The following CACNB2 variants were observed in gnomAD, a reference collection of about 807,000 sequenced individuals.
CACNB2 encodes the protein voltage-dependent L-type calcium channel subunit beta-2.
CACNB2 carries 42 observed loss-of-function variants against 73.3 expected under a neutral mutation model. The ratio of observed to expected loss-of-function variants is 0.57; its 90% CI spans 0.45 to 0.74. CACNB2 has a LOEUF of 0.74. Ranked by LOEUF, CACNB2 falls within the 30% of genes least tolerant of loss-of-function variation. CACNB2 has a pLI of 0.00. For synonymous variants in CACNB2, 348 were observed against 310.3 expected, an observed-to-expected ratio of 1.12 and a Z score of -1.28; for missense variants, 940 against 853.0, an observed-to-expected ratio of 1.10 and a Z score of -1.27.
At chr10:18,218,222 C>G (rs1422901301) in intron 2 of CACNB2, among the ~76,000 whole-genome samples, 6 of 152,180 alleles carry the variant, frequency 3.9e-5, no homozygotes, top group African/African-American at 1.4e-4. Context: ...ATTGGTCTTA[C>G]TGAATTCTGA....
chr10:18,371,453 T>C (rs2042580849), intron 2 of CACNB2, among the ~76,000 whole-genome samples: 1 of 151,972 alleles, frequency 6.6e-6, no homozygotes, highest in Non-Finnish European at 1.5e-5. Context: ...TGAGAACATG[T>C]GGTGTTTGGT....
intron 4 of CACNB2, 63 bp from the exon 5 acceptor site, chr10:18,500,749 G>A (rs527510145): frequency 1.3e-6 from 2 of 1,515,894 alleles, no homozygotes; most frequent in South Asian, 2.2e-5. Context: ...TGAAAATAGT[G>A]TGGAAGAACA....
intron 2 of CACNB2, among the ~76,000 whole-genome samples, chr10:18,173,726 T>C (rs904526227): frequency 1.3e-5 from 2 of 152,244 alleles, no homozygotes; most frequent in African/African-American, 4.8e-5. Context: ...TAGTATGATA[T>C]GTTTTCTAAG....
chr10:18,333,725 T>C (rs1196015671), intron 2 of CACNB2, among the ~76,000 whole-genome samples: 2 of 152,320 alleles, frequency 1.3e-5, no homozygotes, highest in East Asian at 3.9e-4. Context: ...TCTTGTATAA[T>C]CAAAGATGAC....
chr10:18,220,438 A>G (rs111689094), intron 2 of CACNB2, among the ~76,000 whole-genome samples: 4,041 of 147,710 alleles, frequency 0.027, 209 homozygotes, highest in African/African-American at 0.096. Flanking sequence ...TTTTTTTAAT[A>G]TATATTTTTA....
At position 18,465,874 on chromosome 10, in the gene CACNB2, T is replaced by A. The variant is rs2047854692; in HGVS notation, c.334-32481T>A. Reference sequence around the variant, plus strand: ...TTTTGTATTTTTAGTAGAGACAGGGTTTCACCATGTTTCCCAGGCTGCTCT... The same window carrying A: ...TTTTGTATTTTTAGTAGAGACAGGGATTCACCATGTTTCCCAGGCTGCTCT... On this transcript the variant is annotated intron_variant, in intron 3 of 13. Transcript: ENST00000324631. 2.6e-5 allele frequency among the ~76,000 whole-genome samples: 4 copies of A among 152,136 alleles called. No individual in the cohort carries two copies. In the South Asian group the frequency reaches 8.3e-4, roughly 32 times the overall value.
chr10:18,526,925 C>T (rs745490329), intron 9 of CACNB2, among the ~76,000 whole-genome samples: 2 of 152,116 alleles, frequency 1.3e-5, no homozygotes, highest in Admixed American at 1.3e-4. Context: ...TACATACATA[C>T]CCTTGGATAA....
At position 18,413,806 on chromosome 10, in the gene CACNB2, T is replaced by C. The variant is rs780100384; in HGVS notation, c.333+11763T>C. On this transcript the variant is annotated intron_variant, in intron 3 of 13. Coordinates refer to ENST00000324631, the MANE Select transcript of CACNB2 (RefSeq NM_201596.3). ...CCTCTGTTTGACAGGATTCCAGTGA[T>C]AATTGAATAAGCTGTTACGTATAAA... Among the ~76,000 whole-genome samples, 55 of 152,350 alleles carry C rather than the reference T, an allele frequency of 3.6e-4. 1 individual carries two copies. Among genetic ancestry groups the C allele is most frequent in the Non-Finnish European group, 6.3e-4 (43 of 68,040 alleles).
intron 2 of CACNB2, among the ~76,000 whole-genome samples, chr10:18,353,989 G>T (rs765046988): frequency 6.6e-6 from 1 of 152,218 alleles, no homozygotes; most frequent in Non-Finnish European, 1.5e-5. Context: ...ACCAGCAAGT[G>T]TCCAGTAGCT....
At chr10:18,231,393 G>T (rs538775188) in intron 2 of CACNB2, among the ~76,000 whole-genome samples, 4 of 152,072 alleles carry the variant, frequency 2.6e-5, no homozygotes, top group Non-Finnish European at 5.9e-5. Flanking sequence ...TGGCCAGGCT[G>T]GTCTCAAACT....
At chr10:18,160,113 A>G (rs1192146423) in intron 2 of CACNB2, among the ~76,000 whole-genome samples, 1 of 152,190 alleles carries the variant, frequency 6.6e-6, no homozygotes, top group Non-Finnish European at 1.5e-5. Flanking sequence ...TATTAAAACA[A>G]AATTTAGATT....
At chr10:18,318,023 C>T (rs114930283) in intron 2 of CACNB2, among the ~76,000 whole-genome samples, 2,113 of 152,232 alleles carry the variant, frequency 0.014, 56 homozygotes, top group African/African-American at 0.049. Flanking sequence ...TAGGAAGATT[C>T]AATATCGTGA....
intron 3 of CACNB2, among the ~76,000 whole-genome samples, chr10:18,445,304 C>CGGTGT (rs904115878): frequency 2.0e-5 from 3 of 152,282 alleles, no homozygotes; most frequent in Admixed American, 1.3e-4. Context: ...TCTTGAACTA[C>CGGTGT]GGTGTTTATA....
intron 1 of CACNB2, 110 bp from the exon 2 acceptor site, chr10:18,150,773 G>A (rs1054507394): frequency 7.6e-6 from 5 of 654,334 alleles, no homozygotes; most frequent in Non-Finnish European, 1.3e-5. Flanking sequence ...TGATGGCAAT[G>A]TATTACTTGT....
At chr10:18,432,395 A>G (rs373620621) in intron 3 of CACNB2, among the ~76,000 whole-genome samples, 1 of 152,160 alleles carries the variant, frequency 6.6e-6, no homozygotes. Flanking sequence ...AGATAATCAC[A>G]TAAGTTAAAA....
chr10:18,219,560 G>A (rs1188673764), intron 2 of CACNB2, among the ~76,000 whole-genome samples: 2 of 152,190 alleles, frequency 1.3e-5, no homozygotes, highest in African/African-American at 2.4e-5. Flanking sequence ...GACTTGCACA[G>A]AGGAACATAT....
intron 2 of CACNB2, among the ~76,000 whole-genome samples, chr10:18,254,145 G>A (rs966925413): frequency 2.0e-5 from 3 of 152,180 alleles, no homozygotes; most frequent in South Asian, 4.1e-4. Context: ...GAGAAGTGTT[G>A]CTGTGTGGAT....
intron 3 of CACNB2, among the ~76,000 whole-genome samples, chr10:18,448,456 C>G (rs1589387373): frequency 1.1e-5 from 1 of 91,968 alleles, no homozygotes; most frequent in South Asian, 3.8e-4. Context: ...GCCTAGGCGA[C>G]AAGAGCAAAA....
chr10:18,160,880 G>C (rs1033729814), intron 2 of CACNB2, among the ~76,000 whole-genome samples: 7 of 152,160 alleles, frequency 4.6e-5, no homozygotes, highest in Non-Finnish European at 8.8e-5. Flanking sequence ...TCAGTATTGA[G>C]ACATAATCTC....
Sources: gnomAD v4.1 joint callset for allele counts (sites outside exome capture counted in the v4.1 genomes callset) on GRCh38, gnomAD v4.1.1 for gene constraint, MANE v1.5 for transcripts, NCBI Gene and HGNC (gene_info 2026-07-23, HGNC 2026-07-21) for gene names.